USP32: variants seen among roughly 807,000 people sequenced by gnomAD.
USP32 encodes ubiquitin specific peptidase 32.
A neutral mutation model predicts 204.8 loss-of-function variants in USP32; 59 were observed. The observed-to-expected ratio is 0.29, with a 90% CI of 0.23 to 0.36. The LOEUF (loss-of-function observed/expected upper bound fraction) is 0.36. Ranked by LOEUF, USP32 falls within the 10% of genes least tolerant of loss-of-function variation. The pLI, the probability that USP32 is intolerant of heterozygous loss-of-function variation, is 1.00. For synonymous variants in USP32, 517 were observed against 678.4 expected, an observed-to-expected ratio of 0.76 and a Z score of 3.70; for missense variants, 1,160 against 1,946.4, an observed-to-expected ratio of 0.60 and a Z score of 7.60.
At chr17:60,285,202 G>T (rs1422860963) in intron 5 of USP32, among the ~76,000 whole-genome samples, 1 of 152,082 alleles carries the variant, frequency 6.6e-6, no homozygotes, top group Non-Finnish European at 1.5e-5. Context: ...ATCCATATGA[G>T]TAACAATATA....
At chr17:60,343,639 C>T (rs1281369914) in intron 2 of USP32, among the ~76,000 whole-genome samples, 1 of 152,158 alleles carries the variant, frequency 6.6e-6, no homozygotes, top group Non-Finnish European at 1.5e-5. Context: ...ATCTCTGGGA[C>T]ACATTTAAAG....
At chr17:60,416,565 C>T (rs969722872) in intron 1 of USP32, among the ~76,000 whole-genome samples, 7 of 152,164 alleles carry the variant, frequency 4.6e-5, no homozygotes, top group Middle Eastern at 3.4e-3. Flanking sequence ...CATTTTATGC[C>T]GACCAATGGA....
At chr17:60,377,094 C>CT (rs1328052657) in intron 1 of USP32, among the ~76,000 whole-genome samples, 3 of 152,078 alleles carry the variant, frequency 2.0e-5, no homozygotes, top group Non-Finnish European at 4.4e-5. Flanking sequence ...TTAAACTCAC[C>CT]TACTACTCTC....
intron 1 of USP32, among the ~76,000 whole-genome samples, chr17:60,365,680 T>C (rs2089297620): frequency 6.6e-6 from 1 of 152,114 alleles, no homozygotes; most frequent in African/African-American, 2.4e-5. Context: ...TGTGACTTCA[T>C]GGTAATAGTT....
At chr17:60,353,552 C>T (rs1214894836) in intron 1 of USP32, among the ~76,000 whole-genome samples, 1 of 152,006 alleles carries the variant, frequency 6.6e-6, no homozygotes, top group Non-Finnish European at 1.5e-5. Flanking sequence ...ACCAGCTTGG[C>T]CAACACGGAG....
intron 2 of USP32, among the ~76,000 whole-genome samples, chr17:60,337,276 T>C (rs2088545861): frequency 6.6e-6 from 1 of 152,230 alleles, no homozygotes. Flanking sequence ...CTGTTTGTTT[T>C]CACATGTTGA....
rs575654497 is a variant in USP32, at chr17:60,240,062, T to C, written c.1137-3822A>G. 3.3e-5 allele frequency among the ~76,000 whole-genome samples: 5 copies of C among 152,338 alleles called. No individual in the cohort carries two copies. The East Asian group carries it at 9.6e-4, about 29-fold the overall frequency. ...ATTCTCCTGGTTTCCTTTAGTTTGT[T>C]GTCCATCACCTCCATTAGCTCTTTG... On this transcript the variant is annotated intron_variant, in intron 11 of 33. Transcript: ENST00000300896.
intron 1 of USP32, among the ~76,000 whole-genome samples, chr17:60,403,728 A>G (rs1567897933): frequency 1.3e-5 from 2 of 152,332 alleles, no homozygotes; most frequent in South Asian, 2.1e-4. Context: ...ACACATATAT[A>G]TTTGAAGACT....
intron 1 of USP32, among the ~76,000 whole-genome samples, chr17:60,403,159 G>A (rs935990543): frequency 5.9e-5 from 9 of 152,082 alleles, no homozygotes; most frequent in South Asian, 2.1e-4. Flanking sequence ...CTACAGGCGC[G>A]CGCCACCACG....
intron 2 of USP32, among the ~76,000 whole-genome samples, chr17:60,311,268 C>A (rs1010151686): frequency 6.6e-6 from 1 of 152,046 alleles, no homozygotes; most frequent in Non-Finnish European, 1.5e-5. Flanking sequence ...ATCTATTATG[C>A]AACCCTAAAG....
intron 2 of USP32, among the ~76,000 whole-genome samples, chr17:60,324,052 A>G (rs2088173344): frequency 1.3e-5 from 2 of 152,280 alleles, no homozygotes; most frequent in South Asian, 4.1e-4. Flanking sequence ...AGGCCAAGGT[A>G]AGAAGATTGC....
chr17:60,414,888 T>C (rs1450702407), intron 1 of USP32, among the ~76,000 whole-genome samples: 3 of 151,662 alleles, frequency 2.0e-5, no homozygotes, highest in Non-Finnish European at 4.4e-5. Flanking sequence ...TCTTGCTCTG[T>C]TGCCCAGGCT....
At chr17:60,300,585 T>C (rs965466605) in intron 3 of USP32, among the ~76,000 whole-genome samples, 8 of 152,206 alleles carry the variant, frequency 5.3e-5, no homozygotes, top group Non-Finnish European at 1.0e-4. Flanking sequence ...ACAAATAACG[T>C]ATATAAAATG....
Position 60,223,391 on chromosome 17 carries a change from T to G in USP32, c.1608+20A>C. On this transcript the variant is annotated intron_variant, in intron 14 of 33. Transcript: ENST00000300896. ...AGCTTGCAAGAGAATAATTTTAAGT[T>G]TAGATGTAAAATTACTTACCTTTAC... 1 of 1,587,736 alleles carries G rather than the reference T, an allele frequency of 6.3e-7. No homozygotes were observed. Among genetic ancestry groups the G allele is most frequent in the Non-Finnish European group, 8.6e-7 (1 of 1,166,642 alleles).
At chr17:60,298,169 T>A (rs185209873) in intron 3 of USP32, among the ~76,000 whole-genome samples, 9 of 152,316 alleles carry the variant, frequency 5.9e-5, no homozygotes, top group African/African-American at 1.4e-4. Flanking sequence ...ATGGGACACA[T>A]ATAACAGTAT....
chr17:60,263,186 G>T (rs2086497179), intron 9 of USP32, among the ~76,000 whole-genome samples: 1 of 152,080 alleles, frequency 6.6e-6, no homozygotes, highest in Admixed American at 6.6e-5. Context: ...GGGCTCAAGT[G>T]ATTCTCCCAC....
intron 3 of USP32, among the ~76,000 whole-genome samples, chr17:60,299,107 G>A (rs1412599238): frequency 6.6e-6 from 1 of 152,156 alleles, no homozygotes; most frequent in Non-Finnish European, 1.5e-5. Context: ...CTATACTCTA[G>A]CCTGGGCTAC....
intron 1 of USP32, among the ~76,000 whole-genome samples, chr17:60,417,493 G>A (rs1271380275): frequency 6.9e-6 from 1 of 144,900 alleles, no homozygotes; most frequent in Non-Finnish European, 1.5e-5. Context: ...CGCTCTTGTC[G>A]CCCAGGCTGG....
intron 26 of USP32, among the ~76,000 whole-genome samples, chr17:60,202,865 T>C (rs2084713339): frequency 6.9e-6 from 1 of 144,652 alleles, no homozygotes; most frequent in Non-Finnish European, 1.5e-5. Context: ...GATGTCAAGA[T>C]GAGATCATCC....
Sources: gnomAD v4.1 joint callset for allele counts (sites outside exome capture counted in the v4.1 genomes callset) on GRCh38, gnomAD v4.1.1 for gene constraint, MANE v1.5 for transcripts, NCBI Gene and HGNC (gene_info 2026-07-23, HGNC 2026-07-21) for gene names.